Variants in THRB observed in about 807,000 individuals in gnomAD.
THRB encodes nuclear receptor subfamily 1 group A member 2.
In THRB, 12 loss-of-function variants were observed where a neutral mutation model predicts 47.8. The observed-to-expected ratio is 0.25, with a 90% CI of 0.16 to 0.41. The LOEUF is 0.41. Ranked by LOEUF, THRB falls within the 10% of genes least tolerant of loss-of-function variation. The pLI, the probability that THRB is intolerant of heterozygous loss-of-function variation, is 1.00. For missense variants in THRB, 348 were observed against 589.2 expected, an observed-to-expected ratio of 0.59 and a Z score of 4.24; for synonymous variants, 218 against 212.2, an observed-to-expected ratio of 1.03 and a Z score of -0.24.
At chr3:24,181,298 T>C (rs572872099) in intron 5 of THRB, among the ~76,000 whole-genome samples, 70 of 152,280 alleles carry the variant, frequency 4.6e-4, no homozygotes, top group Non-Finnish European at 8.4e-4. Context: ...TAGATTCATC[T>C]ATTTGATTTC....
At chr3:24,432,412 A>G (rs1312092379) in intron 1 of THRB, among the ~76,000 whole-genome samples, 1 of 152,148 alleles carries the variant, frequency 6.6e-6, no homozygotes, top group East Asian at 1.9e-4. Flanking sequence ...ATTCTATATC[A>G]GTAGGGCAAG....
chr3:24,469,488 T>C (rs974607812), intron 1 of THRB, among the ~76,000 whole-genome samples: 1 of 152,190 alleles, frequency 6.6e-6, no homozygotes, highest in Admixed American at 6.5e-5. Context: ...TAGACAAGCT[T>C]TTCCCCTCAG....
chr3:24,424,188 T>C (rs996573430), intron 1 of THRB, among the ~76,000 whole-genome samples: 4 of 151,784 alleles, frequency 2.6e-5, no homozygotes, highest in Non-Finnish European at 5.9e-5. Context: ...TTCCCGCCCG[T>C]CTACCCACCC....
At chr3:24,394,865 G>A (rs2150015204) in intron 1 of THRB, among the ~76,000 whole-genome samples, 1 of 152,218 alleles carries the variant, frequency 6.6e-6, no homozygotes, top group South Asian at 2.1e-4. Flanking sequence ...TTACTAAATA[G>A]AGACTATGTA....
chr3:24,211,423 C>G (rs1285941352), intron 4 of THRB, among the ~76,000 whole-genome samples: 1 of 152,130 alleles, frequency 6.6e-6, no homozygotes, highest in Non-Finnish European at 1.5e-5. Context: ...CTTTCATTTC[C>G]CTTCATTGCT....
intron 5 of THRB, among the ~76,000 whole-genome samples, chr3:24,177,018 C>T (rs867693439): frequency 6.6e-6 from 1 of 152,016 alleles, no homozygotes; most frequent in Non-Finnish European, 1.5e-5. Flanking sequence ...GACTGATTCT[C>T]AAAATAAAAT....
chr3:24,240,991 T>C (rs2049431445), intron 3 of THRB, among the ~76,000 whole-genome samples: 1 of 152,160 alleles, frequency 6.6e-6, no homozygotes, highest in Admixed American at 6.5e-5. Flanking sequence ...GAACGGCAGC[T>C]TACTCTGGCC....
chr3:24,333,277 C>G (rs980900981), intron 2 of THRB, among the ~76,000 whole-genome samples: 1 of 152,100 alleles, frequency 6.6e-6, no homozygotes, highest in Admixed American at 6.6e-5. Flanking sequence ...TCATGAATAA[C>G]TGGAATCTGA....
At chr3:24,449,836 G>A (rs1357928760) in intron 1 of THRB, among the ~76,000 whole-genome samples, 1 of 152,134 alleles carries the variant, frequency 6.6e-6, no homozygotes, top group Non-Finnish European at 1.5e-5. Flanking sequence ...TGAATAATAG[G>A]ACGCTAAAAA....
rs116590491 is a variant in THRB at position 24,472,454 on chromosome 3, C to G, written c.-261+22198G>C. ...GTGAAGACTCATCTGGCCACAATTC[C>G]TTTTGTCCTGGAGACTACTGACCCC... On this transcript the variant is annotated intron_variant, in intron 1 of 10. Transcript: ENST00000646209. 7.8e-3 allele frequency among the ~76,000 whole-genome samples: 1,183 copies of G among 152,296 alleles called. 16 individuals carry two copies. Among genetic ancestry groups the G allele is most frequent in the African/African-American group, 0.027 (1,125 of 41,560 alleles).
chr3:24,239,054 A>G (rs1246086127), intron 3 of THRB, among the ~76,000 whole-genome samples: 1 of 150,940 alleles, frequency 6.6e-6, no homozygotes, highest in Non-Finnish European at 1.5e-5. Flanking sequence ...CAATTCTCCT[A>G]TCTCTGCCTC....
intron 1 of THRB, among the ~76,000 whole-genome samples, chr3:24,396,258 T>TG (rs1305459026): frequency 1.3e-5 from 2 of 152,198 alleles, no homozygotes; most frequent in East Asian, 3.9e-4. Context: ...TAAAATCATC[T>TG]GGGGCATTTC....
chr3:24,347,010 C>T (rs13072812), intron 1 of THRB, among the ~76,000 whole-genome samples: 2 of 151,846 alleles, frequency 1.3e-5, no homozygotes, highest in East Asian at 1.9e-4. Context: ...ATAAATGAGT[C>T]TGAATAAATT....
At chr3:24,310,908 T>C (rs1374530330) in intron 2 of THRB, among the ~76,000 whole-genome samples, 2 of 152,214 alleles carry the variant, frequency 1.3e-5, no homozygotes, top group African/African-American at 4.8e-5. Context: ...CAGGACATTG[T>C]TTAACAAGAG....
chr3:24,456,785 G>A (rs1385156658), intron 1 of THRB, among the ~76,000 whole-genome samples: 2 of 151,812 alleles, frequency 1.3e-5, no homozygotes, highest in Non-Finnish European at 2.9e-5. Context: ...TATTATATAA[G>A]ATAAACTTAC....
intron 4 of THRB, among the ~76,000 whole-genome samples, chr3:24,201,680 T>C (rs546176160): frequency 1.9e-4 from 29 of 152,312 alleles, no homozygotes; most frequent in African/African-American, 6.0e-4. Context: ...AAAGTAGTAG[T>C]TGATGAATTG....
chr3:24,374,204 G>A (rs935406714), intron 1 of THRB, among the ~76,000 whole-genome samples: 1 of 152,078 alleles, frequency 6.6e-6, no homozygotes, highest in Non-Finnish European at 1.5e-5. Context: ...TGTAGATTTA[G>A]TTTGTACTAT....
chr3:24,341,097 T>C (rs2062610445), intron 1 of THRB, among the ~76,000 whole-genome samples: 1 of 151,716 alleles, frequency 6.6e-6, no homozygotes, highest in South Asian at 2.1e-4. Context: ...CTTTTGGCTT[T>C]GCTTTTGGGA....
In THRB at chr3:24,165,426, C is replaced by G; in HGVS notation, c.284-12936G>C. 1.0e-5 allele frequency: 7 copies of G among 694,946 alleles called. No homozygotes were observed. The South Asian group carries it at 1.1e-4, about 11-fold the overall frequency. The allele number at this position is 694,946 out of a possible 1,614,324, so 43.0% of individuals were successfully genotyped here. A position where few individuals can be genotyped will look rare whatever the true frequency, so the allele number is the denominator to read the frequency against. ...CGCATGCATTCTCCAGCCCCATACA[C>G]CCTGAGAGCTGGGCATATACGCAGA... On this transcript the variant is annotated intron_variant, in intron 5 of 10. Transcript: ENST00000646209.
Sources: allele counts gnomAD v4.1 joint callset (sites outside exome capture counted in the v4.1 genomes callset), GRCh38; gene constraint gnomAD v4.1.1; transcripts MANE v1.5; gene names NCBI Gene and HGNC (gene_info 2026-07-23, HGNC 2026-07-21).